DLST: variants seen among roughly 807,000 people sequenced by gnomAD.
DLST encodes the protein dihydrolipoyllysine-residue succinyltransferase component of 2-oxoglutarate dehydrogenase complex, mitochondrial.
A neutral mutation model predicts 53.1 loss-of-function variants in DLST; 17 were observed. That is an observed-to-expected ratio of 0.32 (90% CI 0.22 to 0.48). DLST has a LOEUF of 0.48. Ranked by LOEUF, DLST falls within the 20% of genes least tolerant of loss-of-function variation. DLST has a pLI of 0.99. For synonymous variants in DLST, 206 were observed against 204.8 expected, an observed-to-expected ratio of 1.01 and a Z score of -0.05; for missense variants, 512 against 583.9, an observed-to-expected ratio of 0.88 and a Z score of 1.27.
Position 74,885,647 on chromosome 14 carries a change from G to A in DLST, c.146+13G>A. The A allele has an allele frequency of 6.2e-7, 1 of 1,608,670 alleles. No individual in the cohort carries two copies. Among genetic ancestry groups the A allele is most frequent in the South Asian group, 1.1e-5 (1 of 90,254 alleles). ...GCAGGAAGGTTGTGTAAGTATCACT[G>A]GGGAGTACAGATATGTGGCCACGGG... On this transcript the variant is annotated intron_variant, in intron 3 of 14. Transcript: ENST00000334220.
intron 1 of DLST, among the ~76,000 whole-genome samples, 161 bp from the exon 2 acceptor site, chr14:74,882,430 G>C (rs973398202): frequency 6.7e-6 from 1 of 150,022 alleles, no homozygotes; most frequent in African/African-American, 2.4e-5. Context: ...CAGGCCCAGC[G>C]TGTTGATTGG....
At chr14:74,898,576 G>T (rs1197844830) in intron 11 of DLST, 77 bp downstream of exon 11, 2 of 1,513,234 alleles carry the variant, frequency 1.3e-6, no homozygotes, top group East Asian at 2.4e-5. Context: ...CACATGCAGA[G>T]GATCAACAGA....
chr14:74,899,834 C>A, intron 11 of DLST, 89 bp from the exon 12 acceptor site: 1 of 1,044,240 alleles, frequency 9.6e-7, no homozygotes, highest in Non-Finnish European at 1.5e-6. Flanking sequence ...TCAAGCTCTG[C>A]AGATTTTTAC....
chr14:74,900,461 G>A, intron 13 of DLST, 89 bp downstream of exon 13: 2 of 1,182,796 alleles, frequency 1.7e-6, no homozygotes, highest in South Asian at 1.2e-5. Flanking sequence ...AGTGCTCATG[G>A]AAAGTCAAGT....
intron 7 of DLST, 53 bp from the exon 8 acceptor site, chr14:74,892,781 G>A: frequency 6.5e-7 from 1 of 1,534,706 alleles, no homozygotes; most frequent in African/African-American, 1.4e-5. Context: ...ATTTTGCTTG[G>A]TTGCTTCTCA....
intron 9 of DLST, 86 bp downstream of exon 9, chr14:74,893,510 G>A (rs1883979831): frequency 7.0e-7 from 1 of 1,435,222 alleles, no homozygotes; most frequent in Admixed American, 1.7e-5. Flanking sequence ...GCCTACCTTT[G>A]AATGCCTGGC....
chr14:74,897,103 T>C (rs1884097525), intron 10 of DLST, among the ~76,000 whole-genome samples: 1 of 152,220 alleles, frequency 6.6e-6, no homozygotes, highest in South Asian at 2.1e-4. Context: ...AGAGCAGAGA[T>C]GTTTATCACA....
chr14:74,882,567 CG>C, intron 1 of DLST, 23 bp from the exon 2 acceptor site: 1 of 1,613,030 alleles, frequency 6.2e-7, no homozygotes. Flanking sequence ...TGGGTGACGT[CG>C]ATAATGTCTT....
intron 3 of DLST, 29 bp from the exon 4 acceptor site, chr14:74,889,066 A>G: frequency 6.7e-7 from 1 of 1,483,694 alleles, no homozygotes; most frequent in Non-Finnish European, 8.9e-7. Context: ...TCGCCTGTTA[A>G]AAGGAGTTAA....
At position 74,898,457 on chromosome 14, in the gene DLST, G is replaced by T. The variant is rs755407524; in HGVS notation, c.859G>T (p.Ala287Ser). The change falls in exon 11 of 15, where the codon GCC becomes TCC. Residue 287 changes from alanine (A) to serine (S), a missense_variant. Around this residue, in one of 4 missense-constraint regions of DLST, gnomAD observed 186 missense variants for 260.4 expected, o/e 0.71. Transcript: ENST00000334220. The stretch of plus-strand genomic sequence containing the variant: ...AGGCTTCATGTCGGCATTTGTGAAG[G>T]CCTCAGCCTTTGCCTTGCAGGAACA... ...KLGFMSAFVK[A>S]SAFALQEQPV... The T allele has an allele frequency of 5.6e-6, 9 of 1,614,008 alleles. No individual in the cohort carries two copies. The highest frequency in any genetic ancestry group is 2.2e-5 in the South Asian group (2 of 91,074).
At chr14:74,885,689 A>T in intron 3 of DLST, 55 bp downstream of exon 3, 2 of 1,515,626 alleles carry the variant, frequency 1.3e-6, no homozygotes, top group Non-Finnish European at 1.8e-6. Context: ...ATTTAAAGAC[A>T]TAAAGTTCTA....
At position 74,901,229 on chromosome 14, in the gene DLST, G is replaced by T. The variant is rs1490356331; in HGVS notation, c.1223G>T (p.Gly408Val). 6.2e-7 allele frequency: 1 copy of T among 1,613,922 alleles called. No homozygotes were observed. Among genetic ancestry groups the T allele is most frequent in the Admixed American group, 1.7e-5 (1 of 59,982 alleles). The change falls in exon 14 of 15, where the codon GGC (glycine) becomes GTC (valine). Residue 408 changes from glycine (G) to valine (V), a missense_variant. By Grantham distance (109) the Gly-to-Val change is moderately radical (BLOSUM62 -3). Coordinates refer to ENST00000334220, the MANE Select transcript of DLST (RefSeq NM_001933.5). ...GIFDRPVAIGGKVEVRPMMYV... is the reference protein window; with the variant it reads ...GIFDRPVAIGVKVEVRPMMYV... Reference sequence around the variant, plus strand: ...TTTGACAGGCCAGTGGCTATAGGAGGCAAGGTAGGAACCGTCACTTCTAAG... The same window carrying T: ...TTTGACAGGCCAGTGGCTATAGGAGTCAAGGTAGGAACCGTCACTTCTAAG...
rs755051392 is a variant in DLST at position 74,893,410 on chromosome 14, C to T, written c.658C>T (p.Arg220Cys). 9.3e-6 allele frequency: 15 copies of T among 1,614,078 alleles called. No homozygotes were observed. The highest frequency in any genetic ancestry group is 1.3e-5 in the Non-Finnish European group (15 of 1,180,052). Residue 220 changes from arginine (R) to cysteine (C), a missense_variant, in exon 9 of 15, where the codon CGT (arginine) becomes TGT (cysteine). By Grantham distance (180) the Arg-to-Cys change is radical. Around this residue, in one of 4 missense-constraint regions of DLST, gnomAD observed 162 missense variants for 162.0 expected, o/e 1.00. Transcript: ENST00000334220. Reference sequence around the variant, plus strand: ...TGAGCCAGGAGCTGGCAAAGGTCTGCGTTCAGAACATCGGGTAAGCCTCTG... The same window carrying T: ...TGAGCCAGGAGCTGGCAAAGGTCTGTGTTCAGAACATCGGGTAAGCCTCTG... ...LAEPGAGKGL[R>C]SEHREKMNRM...
At chr14:74,899,643 A>G (rs1013900944) in intron 11 of DLST, among the ~76,000 whole-genome samples, 13 of 152,196 alleles carry the variant, frequency 8.5e-5, no homozygotes, top group African/African-American at 2.9e-4. Context: ...TTTAGTGCAT[A>G]CCTATCCTAT....
intron 11 of DLST, among the ~76,000 whole-genome samples, chr14:74,899,032 C>G (rs1256486812): frequency 6.6e-6 from 1 of 152,214 alleles, no homozygotes; most frequent in Non-Finnish European, 1.5e-5. Flanking sequence ...ACACACTTCT[C>G]TGTTCCTTGG....
At chr14:74,895,491 C>T (rs1445064634) in intron 10 of DLST, among the ~76,000 whole-genome samples, 1 of 152,146 alleles carries the variant, frequency 6.6e-6, no homozygotes, top group Non-Finnish European at 1.5e-5. Context: ...CACCATGGCT[C>T]GTGCCTATAA....
At chr14:74,901,272 T>G (rs1384289790) in intron 14 of DLST, 39 bp downstream of exon 14, 1 of 1,563,440 alleles carries the variant, frequency 6.4e-7, no homozygotes, top group Non-Finnish European at 8.7e-7. Flanking sequence ...TGGCTAGGTC[T>G]CGATGAAAGG....
intron 10 of DLST, among the ~76,000 whole-genome samples, chr14:74,894,813 C>T (rs1232210828): frequency 6.6e-6 from 1 of 152,040 alleles, no homozygotes; most frequent in Non-Finnish European, 1.5e-5. Flanking sequence ...TCCCAAAGTG[C>T]TGGGATTACA....
Position 74,889,785 on chromosome 14 carries a change from C to T in DLST, c.275-112C>T, listed in dbSNP as rs1330218093. ...GCCGTTTTCTTTACATATGTACTTT[C>T]TGCTGGCCCTGTAGGAAAGGGTTCT... On this transcript the variant is annotated intron_variant, in intron 5 of 14. Transcript: ENST00000334220. 6.1e-6 allele frequency: 6 copies of T among 983,632 alleles called. No homozygotes were observed. In the South Asian group the frequency reaches 7.0e-5, roughly 12 times the overall value. 60.9% of individuals were successfully genotyped at this position (983,632 alleles called of 1,614,324 possible). A position where few individuals can be genotyped will look rare whatever the true frequency, so the allele number is the denominator to read the frequency against.
Sources: gnomAD v4.1 joint callset for allele counts (sites outside exome capture counted in the v4.1 genomes callset) on GRCh38, gnomAD v4.1.1 for gene constraint, gnomAD v4.1.1 regional missense constraint, MANE v1.5 for transcripts, NCBI Gene and HGNC (gene_info 2026-07-23, HGNC 2026-07-21) for gene names.